Variants in OPRM1 observed in about 807,000 individuals in gnomAD.
The protein encoded by OPRM1 is mu-type opioid receptor.
OPRM1 carries 27 observed loss-of-function variants against 31.8 expected under a neutral mutation model. The observed-to-expected ratio is 0.85, with a 90% CI of 0.63 to 1.17. The LOEUF (loss-of-function observed/expected upper bound fraction) is 1.17. Ranked by LOEUF, OPRM1 falls within the 50% of genes most tolerant of loss-of-function variation. The probability of loss-of-function intolerance (pLI) is 0.00; values close to 1 mark genes in which losing one functional copy is unlikely to be tolerated. For missense variants in OPRM1, 536 were observed against 511.1 expected (o/e 1.05, Z -0.47); for synonymous variants, 196 against 189.9 (o/e 1.03, Z -0.26).
Position 154,091,046 on chromosome 6 carries a change from A to G in OPRM1, c.738A>G (p.Pro246=). ...TTTTCATCTTCGCCTTCATTATGCC[A>G]GTGCTCATCATTACCGTGTGCTATG... is the stretch of plus-strand genomic sequence containing the variant. The part of the protein sequence containing the change: ...ICVFIFAFIM[P]VLIITVCYGL... The change falls in exon 3 of 4, where the codon CCA becomes CCG. Residue 246 remains proline, a synonymous_variant. Transcript: ENST00000330432. 1.9e-6 allele frequency: 3 copies of G among 1,614,188 alleles called. No homozygotes were observed. Among genetic ancestry groups the G allele is most frequent in the Non-Finnish European group, 1.7e-6 (2 of 1,180,030 alleles).
At chr6:154,101,663 C>G (rs551119236) in intron 3 of OPRM1, among the ~76,000 whole-genome samples, 1 of 152,266 alleles carries the variant, frequency 6.6e-6, no homozygotes, top group African/African-American at 2.4e-5. Flanking sequence ...ACTGTCTTAT[C>G]CAAACATCCT....
intron 3 of OPRM1, among the ~76,000 whole-genome samples, chr6:154,187,279 T>C (rs1243985500): frequency 3.3e-5 from 5 of 152,150 alleles, no homozygotes; most frequent in Non-Finnish European, 7.3e-5. Flanking sequence ...CTAACCCCCT[T>C]GCCCTGCCTC....
At chr6:154,077,472 T>C (rs1788111179) in intron 1 of OPRM1, among the ~76,000 whole-genome samples, 1 of 151,112 alleles carries the variant, frequency 6.6e-6, no homozygotes, top group East Asian at 2.0e-4. Context: ...GGCTCACGCC[T>C]GTAATCCCAG....
intron 1 of OPRM1, among the ~76,000 whole-genome samples, chr6:154,043,575 A>G (rs1780514266): frequency 6.6e-6 from 1 of 151,848 alleles, no homozygotes; most frequent in African/African-American, 2.4e-5. Flanking sequence ...ACACACATAC[A>G]TATTTGAATC....
intron 1 of OPRM1, among the ~76,000 whole-genome samples, chr6:154,060,784 A>G (rs1784246122): frequency 6.6e-6 from 1 of 152,198 alleles, no homozygotes; most frequent in South Asian, 2.1e-4. Context: ...GGAAGAAAGA[A>G]GTCACAAGAC....
intron 3 of OPRM1, among the ~76,000 whole-genome samples, chr6:154,162,544 G>C (rs971558347): frequency 6.6e-6 from 1 of 152,132 alleles, no homozygotes; most frequent in Non-Finnish European, 1.5e-5. Flanking sequence ...CCTCCTTCTT[G>C]AACAGTTTCA....
intron 1 of OPRM1, among the ~76,000 whole-genome samples, chr6:154,076,612 T>C (rs1787935692): frequency 6.6e-6 from 1 of 152,146 alleles, no homozygotes; most frequent in Admixed American, 6.5e-5. Context: ...ATCTCCCCTG[T>C]AAGAACCACC....
intron 3 of OPRM1, chr6:154,223,095 C>G (rs1389008937): frequency 8.5e-7 from 1 of 1,172,740 alleles, no homozygotes; most frequent in Non-Finnish European, 1.3e-6. Flanking sequence ...TTCTAAATCA[C>G]CATATCCCTT....
intron 1 of OPRM1, among the ~76,000 whole-genome samples, chr6:154,023,537 C>G (rs1778510871): frequency 1.3e-5 from 2 of 151,322 alleles, no homozygotes. Flanking sequence ...TTTGGATGCA[C>G]TTTCTTTCTC....
At chr6:154,096,097 G>A (rs1044744969) in intron 3 of OPRM1, among the ~76,000 whole-genome samples, 6 of 151,950 alleles carry the variant, frequency 3.9e-5, no homozygotes, top group African/African-American at 7.3e-5. Context: ...TTACTCTGTC[G>A]CCCAGGCTGG....
At chr6:154,200,062 A>G in intron 3 of OPRM1, 2 of 1,562,934 alleles carry the variant, frequency 1.3e-6, no homozygotes, top group Middle Eastern at 1.7e-4. Flanking sequence ...AAATAAAACC[A>G]AAAAAAGAAT....
At chr6:154,155,933 T>TC (rs1798695499) in intron 3 of OPRM1, 3 of 152,172 alleles carry the variant, frequency 2.0e-5, no homozygotes, top group Non-Finnish European at 4.4e-5. Context: ...GTGACTGGAG[T>TC]GCTACCTGAG....
At chr6:154,176,226 G>A (rs1800316275) in intron 3 of OPRM1, among the ~76,000 whole-genome samples, 1 of 152,104 alleles carries the variant, frequency 6.6e-6, no homozygotes, top group Admixed American at 6.5e-5. Context: ...ATACTGAATG[G>A]GCAAAAACTG....
intron 3 of OPRM1, among the ~76,000 whole-genome samples, chr6:154,166,954 T>C (rs917941771): frequency 6.6e-6 from 1 of 152,226 alleles, no homozygotes; most frequent in Non-Finnish European, 1.5e-5. Context: ...AATTAAAATT[T>C]ACTTTCTTTT....
At chr6:154,182,187 G>A (rs1388639746) in intron 3 of OPRM1, among the ~76,000 whole-genome samples, 1 of 152,178 alleles carries the variant, frequency 6.6e-6, no homozygotes, top group Non-Finnish European at 1.5e-5. Context: ...TCTAAGACAA[G>A]AGTAGCTTCA....
chr6:154,110,152 T>G (rs1197504644), intron 3 of OPRM1, among the ~76,000 whole-genome samples: 1 of 152,188 alleles, frequency 6.6e-6, no homozygotes, highest in African/African-American at 2.4e-5. Flanking sequence ...ACATTAAAAT[T>G]TCCTATCTCT....
intron 3 of OPRM1, among the ~76,000 whole-genome samples, chr6:154,105,221 CA>C (rs1274872749): frequency 6.6e-6 from 1 of 152,106 alleles, no homozygotes; most frequent in Non-Finnish European, 1.5e-5. Context: ...ATCAGGTAGA[CA>C]GAAATAAATA....
At chr6:154,203,569 T>C (rs1366705184) in intron 3 of OPRM1, among the ~76,000 whole-genome samples, 2 of 152,084 alleles carry the variant, frequency 1.3e-5, no homozygotes, top group Non-Finnish European at 2.9e-5. Context: ...GAGCCGACTT[T>C]TCGTGTAGGT....
At chr6:154,101,507 G>A (rs1794825766) in intron 3 of OPRM1, among the ~76,000 whole-genome samples, 1 of 152,174 alleles carries the variant, frequency 6.6e-6, no homozygotes, top group South Asian at 2.1e-4. Flanking sequence ...GATTGCTTCA[G>A]AAGTTCAATA....
Sources: gnomAD v4.1 joint callset for allele counts (sites outside exome capture counted in the v4.1 genomes callset) on GRCh38, gnomAD v4.1.1 for gene constraint, MANE v1.5 for transcripts, NCBI Gene and HGNC (gene_info 2026-07-23, HGNC 2026-07-21) for gene names.